Variants in DEPTOR observed in about 807,000 individuals in gnomAD.
DEPTOR encodes DEP domain-containing mTOR-interacting protein.
A neutral mutation model predicts 41.6 loss-of-function variants in DEPTOR; 41 were observed. That is an observed-to-expected ratio of 0.98 (90% CI 0.77 to 1.28). The LOEUF is 1.28. DEPTOR is among the 50% of genes most tolerant of loss of function. DEPTOR has a pLI of 0.00. For missense variants in DEPTOR, 514 were observed against 527.9 expected (o/e 0.97, Z 0.26); for synonymous variants, 195 against 192.3 (o/e 1.01, Z -0.12).
chr8:119,887,986 A>AT (rs1251935990), intron 1 of DEPTOR, among the ~76,000 whole-genome samples: 6 of 151,760 alleles, frequency 4.0e-5, no homozygotes, highest in Non-Finnish European at 7.4e-5. Flanking sequence ...CACCTGGCTA[A>AT]TTTTTTTAAT....
At chr8:119,882,844 T>C (rs1827316103) in intron 1 of DEPTOR, among the ~76,000 whole-genome samples, 2 of 152,170 alleles carry the variant, frequency 1.3e-5, no homozygotes, top group South Asian at 4.1e-4. Flanking sequence ...TTCTACACGG[T>C]AATTATACTT....
rs539806153 is a variant in DEPTOR at position 119,996,706 on chromosome 8, A to AT, written c.605-4811dup. On this transcript the variant is annotated intron_variant, in intron 4 of 8. Transcript: ENST00000286234. ...CAAAGTACTTTGAAGTCTGCTATAG[A>AT]TTTTTTTTGGATTTAGAATGCTTTT... Among the ~76,000 whole-genome samples the AT allele has an allele frequency of 1.1e-4, 16 of 152,148 alleles. No individual in the cohort carries two copies. The East Asian group carries it at 1.7e-3, about 17-fold the overall frequency.
At chr8:120,006,479 G>T (rs530615572) in intron 6 of DEPTOR, among the ~76,000 whole-genome samples, 1 of 151,450 alleles carries the variant, frequency 6.6e-6, no homozygotes, top group African/African-American at 2.4e-5. Flanking sequence ...AGCCGAGATC[G>T]CATCATTGCA....
At chr8:119,881,059 G>A (rs1271449513) in intron 1 of DEPTOR, among the ~76,000 whole-genome samples, 1 of 152,200 alleles carries the variant, frequency 6.6e-6, no homozygotes, top group Non-Finnish European at 1.5e-5. Flanking sequence ...CTAAGTTGGA[G>A]GAAATGCAGT....
At chr8:119,928,743 C>CTTTTTTTT (rs376801517) in intron 2 of DEPTOR, among the ~76,000 whole-genome samples, 165 bp downstream of exon 2, 279 of 127,878 alleles carry the variant, frequency 2.2e-3, no homozygotes, top group Middle Eastern at 4.5e-3. Context: ...TGGGTTCTTT[C>CTTTTTTTT]TTTTTTTTTT....
At position 120,032,880 on chromosome 8, in the gene DEPTOR, CA is replaced by C. The variant is rs1324929035; in HGVS notation, c.1102-16691del. Among the ~76,000 whole-genome samples the C allele has an allele frequency of 4.6e-5, 7 of 152,172 alleles. No individual in the cohort carries two copies. The East Asian group carries it at 1.4e-3, about 29-fold the overall frequency. On this transcript the variant is annotated intron_variant, in intron 8 of 8. Transcript: ENST00000286234. Reference sequence around the variant, plus strand: ...AGCTCTGTTTTGGCCAAGTTGACACCAAAAAGCTCCACCTTCTTATTTGATT... The same window carrying C: ...AGCTCTGTTTTGGCCAAGTTGACACCAAAAGCTCCACCTTCTTATTTGATT...
At chr8:119,889,652 TGGGGA>T (rs1187756049) in intron 1 of DEPTOR, among the ~76,000 whole-genome samples, 33 of 9,554 alleles carry the variant, frequency 3.5e-3, no homozygotes, top group African/African-American at 0.013. Context: ...GAGGGGAGGA[TGGGGA>T]GGGGAGGGGA....
intron 4 of DEPTOR, among the ~76,000 whole-genome samples, chr8:119,981,221 T>C (rs1828763035): frequency 6.6e-6 from 1 of 152,240 alleles, no homozygotes; most frequent in African/African-American, 2.4e-5. Flanking sequence ...ATGTATGGCT[T>C]CCAAACTGAA....
intron 4 of DEPTOR, among the ~76,000 whole-genome samples, chr8:119,973,614 T>A (rs1039793464): frequency 6.6e-6 from 1 of 152,170 alleles, no homozygotes; most frequent in Admixed American, 6.5e-5. Flanking sequence ...CAGCCTTAAA[T>A]GGAGGGAGAT....
chr8:120,019,984 C>T (rs559459135), intron 8 of DEPTOR, among the ~76,000 whole-genome samples: 72 of 152,224 alleles, frequency 4.7e-4, no homozygotes, highest in Non-Finnish European at 7.8e-4. Flanking sequence ...ACCTTCACCC[C>T]GGTATCCCCC....
intron 1 of DEPTOR, among the ~76,000 whole-genome samples, chr8:119,925,368 C>A (rs2139430): frequency 0.28 from 42,723 of 151,560 alleles, 6,431 homozygotes; most frequent in Middle Eastern, 0.4. Flanking sequence ...CCAGCCTGGG[C>A]AACAGAGTGA....
chr8:120,035,185 T>A (rs1812961744), intron 8 of DEPTOR, among the ~76,000 whole-genome samples: 1 of 152,042 alleles, frequency 6.6e-6, no homozygotes, highest in South Asian at 2.1e-4. Flanking sequence ...CCAGCCATGG[T>A]GGTGCATGCG....
chr8:119,993,787 T>G (rs773660276), intron 4 of DEPTOR, among the ~76,000 whole-genome samples: 1 of 152,088 alleles, frequency 6.6e-6, no homozygotes, highest in Non-Finnish European at 1.5e-5. Flanking sequence ...TTTCTGTGTT[T>G]AACAAAAAGT....
At chr8:119,929,475 C>T (rs533638870) in intron 2 of DEPTOR, among the ~76,000 whole-genome samples, 33 of 152,120 alleles carry the variant, frequency 2.2e-4, no homozygotes, top group African/African-American at 7.5e-4. Context: ...CTAGATTTCA[C>T]ATTCTTTGAG....
intron 1 of DEPTOR, among the ~76,000 whole-genome samples, chr8:119,895,645 A>G (rs1392755953): frequency 6.6e-6 from 1 of 152,194 alleles, no homozygotes; most frequent in African/African-American, 2.4e-5. Context: ...TGCTGTGGAA[A>G]GGCCAGGCTA....
At chr8:119,984,997 C>A (rs1426715945) in intron 4 of DEPTOR, among the ~76,000 whole-genome samples, 1 of 152,120 alleles carries the variant, frequency 6.6e-6, no homozygotes, top group Non-Finnish European at 1.5e-5. Context: ...CCAGCCTGGC[C>A]TACATAGTGA....
intron 1 of DEPTOR, among the ~76,000 whole-genome samples, chr8:119,881,071 C>T (rs1346710800): frequency 6.6e-6 from 1 of 152,232 alleles, no homozygotes; most frequent in African/African-American, 2.4e-5. Context: ...AAATGCAGTT[C>T]TTTCAAATTG....
At chr8:119,898,309 A>C (rs527767417) in intron 1 of DEPTOR, among the ~76,000 whole-genome samples, 1 of 152,194 alleles carries the variant, frequency 6.6e-6, no homozygotes, top group African/African-American at 2.4e-5. Context: ...TGCGGTTTCT[A>C]TACGGTTAAA....
At chr8:119,923,657 T>C (rs936920176) in intron 1 of DEPTOR, among the ~76,000 whole-genome samples, 2 of 152,220 alleles carry the variant, frequency 1.3e-5, no homozygotes, top group African/African-American at 4.8e-5. Flanking sequence ...ATAAACTGTC[T>C]GACATCCATT....
Sources: allele counts gnomAD v4.1 joint callset (sites outside exome capture counted in the v4.1 genomes callset), GRCh38; gene constraint gnomAD v4.1.1; transcripts MANE v1.5; gene names NCBI Gene and HGNC (gene_info 2026-07-23, HGNC 2026-07-21).